Variants in SLC2A9 observed in about 807,000 individuals in gnomAD.
The protein encoded by SLC2A9 is solute carrier family 2, facilitated glucose transporter member 9.
In SLC2A9, 39 loss-of-function variants were observed where a neutral mutation model predicts 50.6. The observed-to-expected ratio is 0.77, with a 90% CI of 0.60 to 1.01. SLC2A9 has a LOEUF of 1.01. Among genes scored for constraint, SLC2A9 ranks in the 50% least tolerant of loss-of-function variants. The probability of loss-of-function intolerance (pLI) is 0.00; values close to 1 mark genes in which losing one functional copy is unlikely to be tolerated. For missense variants in SLC2A9, 686 were observed against 677.6 expected (o/e 1.01, Z -0.14); for synonymous variants, 324 against 276.9 (o/e 1.17, Z -1.69).
At chr4:9,860,349 T>C (rs1731414587) in intron 10 of SLC2A9, among the ~76,000 whole-genome samples, 1 of 152,218 alleles carries the variant, frequency 6.6e-6, no homozygotes, top group Non-Finnish European at 1.5e-5. Flanking sequence ...GTCATCCTTA[T>C]GGATTCATGA....
At chr4:9,806,973 C>CTCAGCCCACTT (rs1722204628) in intron 3 of SLC2A9, among the ~76,000 whole-genome samples, 1 of 152,210 alleles carries the variant, frequency 6.6e-6, no homozygotes, top group South Asian at 2.1e-4. Context: ...GAGTCCCCTT[C>CTCAGCCCACTT]TCAGCCCACT....
downstream of SLC2A9, among the ~76,000 whole-genome samples, chr4:9,775,762 C>T (rs556196899): frequency 8.5e-5 from 13 of 152,242 alleles, 1 homozygote; most frequent in Middle Eastern, 3.4e-3. Flanking sequence ...CTTGTAAAGC[C>T]CGCAAAACCA....
At chr4:10,023,493 G>C (rs1013961427), upstream of SLC2A9, among the ~76,000 whole-genome samples, 5 of 152,194 alleles carry the variant, frequency 3.3e-5, no homozygotes, top group African/African-American at 1.2e-4. Flanking sequence ...ATTGGATCAG[G>C]TGTCCCCTCA....
At chr4:9,907,295 A>G (rs941808488) in intron 8 of SLC2A9, among the ~76,000 whole-genome samples, 1 of 152,246 alleles carries the variant, frequency 6.6e-6, no homozygotes, top group Non-Finnish European at 1.5e-5. Flanking sequence ...AGAGATGTTG[A>G]GTGCACTGCT....
intron 10 of SLC2A9, among the ~76,000 whole-genome samples, chr4:9,872,759 C>T (rs1398969166): frequency 6.6e-6 from 1 of 152,228 alleles, no homozygotes; most frequent in Non-Finnish European, 1.5e-5. Flanking sequence ...ATTCACTACG[C>T]AGACATGATG....
downstream of SLC2A9, among the ~76,000 whole-genome samples, chr4:9,795,940 A>G (rs1490841760): frequency 7.2e-5 from 11 of 152,194 alleles, no homozygotes; most frequent in Admixed American, 5.9e-4. Context: ...TGGAAACACT[A>G]ACTCATTTAC....
chr4:9,904,796 T>C (rs1740321280), intron 8 of SLC2A9, among the ~76,000 whole-genome samples: 1 of 149,678 alleles, frequency 6.7e-6, no homozygotes. Context: ...TATTCCACAC[T>C]CTCAACCTCA....
intron 3 of SLC2A9, among the ~76,000 whole-genome samples, chr4:9,786,792 C>G (rs577018654): frequency 6.6e-6 from 1 of 152,220 alleles, no homozygotes; most frequent in African/African-American, 2.4e-5. Flanking sequence ...AACTTTGCAC[C>G]CTGCACCCCC....
chr4:9,883,132 TAC>T (rs56300042), intron 10 of SLC2A9, among the ~76,000 whole-genome samples: 48,982 of 149,422 alleles, frequency 0.33, 9,667 homozygotes, highest in African/African-American at 0.54. Flanking sequence ...GCAAGCTATC[TAC>T]ACACACACAC....
chr4:9,841,636 G>C (rs1158800887), intron 10 of SLC2A9, among the ~76,000 whole-genome samples: 1 of 152,110 alleles, frequency 6.6e-6, no homozygotes, highest in East Asian at 1.9e-4. Context: ...GCAGGGGTGG[G>C]GTGGGTAGAA....
At chr4:10,021,042 C>T (rs905030518) in intron 1 of SLC2A9, among the ~76,000 whole-genome samples, 8 of 152,228 alleles carry the variant, frequency 5.3e-5, no homozygotes, top group African/African-American at 1.9e-4. Flanking sequence ...AGCCTCATTC[C>T]ATGTACACAC....
chr4:9,794,367 G>A (rs1276802562), downstream of SLC2A9, among the ~76,000 whole-genome samples: 2 of 152,148 alleles, frequency 1.3e-5, no homozygotes, highest in African/African-American at 4.8e-5. Context: ...TGTTGGTCAG[G>A]TTGGTCTCAA....
At chr4:9,984,430 C>CAG (rs141819421) in intron 4 of SLC2A9, among the ~76,000 whole-genome samples, 26 of 150,002 alleles carry the variant, frequency 1.7e-4, no homozygotes, top group Admixed American at 2.7e-4. Context: ...GTGAGAGAGA[C>CAG]AGAGAGAGAG....
chr4:9,975,953 A>G (rs10939637), intron 5 of SLC2A9, among the ~76,000 whole-genome samples: 109,203 of 152,088 alleles, frequency 0.72, 40,309 homozygotes, highest in East Asian at 0.98. Context: ...GCAGCAACAT[A>G]GATGGAGCTG....
At chr4:9,934,997 T>G (rs1165385411) in intron 6 of SLC2A9, among the ~76,000 whole-genome samples, 1 of 152,262 alleles carries the variant, frequency 6.6e-6, no homozygotes. Flanking sequence ...TAATTCCTTT[T>G]TATGGCTACA....
chr4:9,776,705 CT>C (rs1717617759), downstream of SLC2A9, among the ~76,000 whole-genome samples: 1 of 152,142 alleles, frequency 6.6e-6, no homozygotes, highest in Non-Finnish European at 1.5e-5. Flanking sequence ...CCATAGCGTT[CT>C]GGTGTTTCCT....
intron 5 of SLC2A9, 74 bp from the exon 6 acceptor site, chr4:9,942,119 G>T (rs1419306149): frequency 6.3e-7 from 1 of 1,593,954 alleles, no homozygotes; most frequent in Non-Finnish European, 8.6e-7. Flanking sequence ...ACTGGACCAG[G>T]TGGTTTCGAC....
In SLC2A9 at chr4:9,861,318, T is replaced by C. The variant is rs565364185; in HGVS notation, c.1291+26249A>G. Among the ~76,000 whole-genome samples the C allele has an allele frequency of 1.9e-4, 29 of 151,742 alleles. 1 individual carries two copies. In the South Asian group the frequency reaches 6.1e-3, roughly 32 times the overall value. ...TACCACACACTTTTAAACGATGGGA[T>C]CTCATCGTTTAAAATGATGATAGTG... is the stretch of plus-strand genomic sequence containing the variant. On this transcript the variant is annotated intron_variant, in intron 10 of 11. Transcript: ENST00000264784.
intron 2 of SLC2A9, among the ~76,000 whole-genome samples, chr4:10,002,963 G>T (rs1038788379): frequency 1.3e-5 from 2 of 152,224 alleles, no homozygotes; most frequent in African/African-American, 4.8e-5. Flanking sequence ...GGAGCACAGA[G>T]TCTAGTGGGA....
Sources: allele counts gnomAD v4.1 joint callset (sites outside exome capture counted in the v4.1 genomes callset), GRCh38; gene constraint gnomAD v4.1.1; transcripts MANE v1.5; gene names NCBI Gene and HGNC (gene_info 2026-07-23, HGNC 2026-07-21).